XYLT1: variants seen among roughly 807,000 people sequenced by gnomAD.
XYLT1 encodes the protein xylosyltransferase 1.
In XYLT1, 36 loss-of-function variants were observed where a neutral mutation model predicts 91.3. The observed-to-expected ratio is 0.39, with a 90% CI of 0.30 to 0.52. The LOEUF (loss-of-function observed/expected upper bound fraction) is 0.52, where lower values mean the gene tolerates loss of function less well. XYLT1 is among the 20% of genes least tolerant of loss of function. The pLI is 0.68. For synonymous variants in XYLT1, 588 were observed against 532.0 expected, an observed-to-expected ratio of 1.11 and a Z score of -1.45; for missense variants, 1,242 against 1,284.5, an observed-to-expected ratio of 0.97 and a Z score of 0.51.
intron 5 of XYLT1, among the ~76,000 whole-genome samples, chr16:17,169,772 C>T (rs1204851116): frequency 6.6e-6 from 1 of 152,202 alleles, no homozygotes; most frequent in African/African-American, 2.4e-5. Context: ...TGCCATGAGG[C>T]ATCTCAAATG....
At chr16:17,313,573 G>A (rs984011095) in intron 2 of XYLT1, among the ~76,000 whole-genome samples, 5 of 152,174 alleles carry the variant, frequency 3.3e-5, no homozygotes, top group Admixed American at 6.5e-5. Context: ...AGCCAGATCC[G>A]TGGGACTGTG....
At chr16:17,296,627 C>T (rs2034314851) in intron 2 of XYLT1, among the ~76,000 whole-genome samples, 1 of 152,190 alleles carries the variant, frequency 6.6e-6, no homozygotes, top group African/African-American at 2.4e-5. Context: ...CTCTGATGGG[C>T]AGGAGCGCAG....
intron 2 of XYLT1, among the ~76,000 whole-genome samples, chr16:17,296,471 G>C (rs1210762947): frequency 6.6e-6 from 1 of 152,136 alleles, no homozygotes; most frequent in Non-Finnish European, 1.5e-5. Flanking sequence ...CCGATTCCCT[G>C]TTCCTGCCTC....
At chr16:17,199,950 C>T (rs939741666) in intron 4 of XYLT1, among the ~76,000 whole-genome samples, 14 of 152,142 alleles carry the variant, frequency 9.2e-5, no homozygotes, top group East Asian at 5.8e-4. Context: ...GGGCCGGGCA[C>T]GGTGGCTCAC....
chr16:17,276,253 G>A (rs922130785), intron 2 of XYLT1, among the ~76,000 whole-genome samples: 7 of 152,220 alleles, frequency 4.6e-5, no homozygotes, highest in African/African-American at 1.4e-4. Flanking sequence ...TTCCGAGCAA[G>A]TTTTCATTGG....
Position 17,239,180 on chromosome 16 carries a change from C to G in XYLT1, c.913+19808G>C, listed in dbSNP as rs564458534. Among the ~76,000 whole-genome samples, 3 of 152,316 alleles carry G rather than the reference C, an allele frequency of 2.0e-5. No homozygotes were observed. The East Asian group carries it at 5.8e-4, about 29-fold the overall frequency. On this transcript the variant is annotated intron_variant, in intron 3 of 11. Transcript: ENST00000261381. ...GCATGCTTACTGGACTCTTCACTTG[C>G]AGACTTGGACCCCTGTAATTCATCC...
At chr16:17,166,671 C>T (rs937099763) in intron 5 of XYLT1, among the ~76,000 whole-genome samples, 9 of 139,716 alleles carry the variant, frequency 6.4e-5, no homozygotes. Flanking sequence ...ACCACAATGT[C>T]CAGCTATTTT....
intron 4 of XYLT1, 114 bp downstream of exon 4, chr16:17,200,366 CCA>C: frequency 1.5e-6 from 2 of 1,355,544 alleles, no homozygotes; most frequent in Non-Finnish European, 2.0e-6. Context: ...TGGTCAGCTT[CCA>C]AGCCTTTTCT....
At chr16:17,298,294 A>G (rs2034344646) in intron 2 of XYLT1, among the ~76,000 whole-genome samples, 1 of 152,144 alleles carries the variant, frequency 6.6e-6, no homozygotes, top group African/African-American at 2.4e-5. Context: ...TGCAGGACCA[A>G]AAAACCTTGG....
intron 1 of XYLT1, among the ~76,000 whole-genome samples, chr16:17,411,858 A>T (rs2036113573): frequency 6.6e-6 from 1 of 152,186 alleles, no homozygotes; most frequent in Admixed American, 6.5e-5. Flanking sequence ...TACCTTACTG[A>T]CTGATGGACA....
At chr16:17,300,330 G>A (rs138127295) in intron 2 of XYLT1, among the ~76,000 whole-genome samples, 50 of 151,832 alleles carry the variant, frequency 3.3e-4, no homozygotes, top group African/African-American at 1.2e-3. Flanking sequence ...TTGCTATGGC[G>A]AGTTTTTAAT....
intron 5 of XYLT1, among the ~76,000 whole-genome samples, chr16:17,188,840 G>T (rs1410436828): frequency 1.3e-5 from 2 of 152,146 alleles, no homozygotes; most frequent in Non-Finnish European, 2.9e-5. Flanking sequence ...TTTTACAGAT[G>T]AAGTAACTGA....
intron 6 of XYLT1, among the ~76,000 whole-genome samples, 160 bp downstream of exon 6, chr16:17,158,669 C>T (rs556485648): frequency 6.6e-6 from 1 of 152,324 alleles, no homozygotes; most frequent in East Asian, 1.9e-4. Flanking sequence ...GAAGGGACTA[C>T]TTCAGATCCC....
intron 5 of XYLT1, among the ~76,000 whole-genome samples, chr16:17,187,632 C>T (rs1275583682): frequency 6.8e-6 from 1 of 147,008 alleles, no homozygotes; most frequent in East Asian, 2.0e-4. Context: ...TATTTTATCA[C>T]TTTTCTTTTC....
chr16:17,113,438 A>T (rs11862586), intron 11 of XYLT1, among the ~76,000 whole-genome samples: 1 of 152,190 alleles, frequency 6.6e-6, no homozygotes, highest in African/African-American at 2.4e-5. Flanking sequence ...CCACTGCACC[A>T]GGCCATGATA....
chr16:17,112,384 G>A (rs1348532899), intron 11 of XYLT1, among the ~76,000 whole-genome samples: 5 of 149,622 alleles, frequency 3.3e-5, no homozygotes, highest in Non-Finnish European at 5.9e-5. Flanking sequence ...TCTCGGTGGG[G>A]GTAAAATGAC....
chr16:17,430,795 A>G (rs73527424), intron 1 of XYLT1, among the ~76,000 whole-genome samples: 2,334 of 152,326 alleles, frequency 0.015, 30 homozygotes, highest in African/African-American at 0.036. Flanking sequence ...GGGATCCTCA[A>G]AACCTTTTAG....
At chr16:17,253,152 G>T (rs1440751132) in intron 3 of XYLT1, among the ~76,000 whole-genome samples, 1 of 152,146 alleles carries the variant, frequency 6.6e-6, no homozygotes, top group East Asian at 1.9e-4. Context: ...ATAGTTTATG[G>T]CTTAAATGCT....
At chr16:17,412,181 G>A (rs183558277) in intron 1 of XYLT1, among the ~76,000 whole-genome samples, 13 of 152,118 alleles carry the variant, frequency 8.5e-5, no homozygotes, top group East Asian at 3.9e-4. Flanking sequence ...AAAACGCTCC[G>A]CACAGCTCCT....
Sources: gnomAD v4.1 joint callset for allele counts (sites outside exome capture counted in the v4.1 genomes callset) on GRCh38, gnomAD v4.1.1 for gene constraint, MANE v1.5 for transcripts, NCBI Gene and HGNC (gene_info 2026-07-23, HGNC 2026-07-21) for gene names.